Variants in SCN1A observed in about 807,000 individuals in gnomAD.
The protein encoded by SCN1A is sodium voltage-gated channel alpha subunit 1, also known as sodium channel protein type 1 subunit alpha.
A neutral mutation model predicts 193.7 loss-of-function variants in SCN1A; 13 were observed. That is an observed-to-expected ratio of 0.07 (90% CI 0.04 to 0.11). The LOEUF (loss-of-function observed/expected upper bound fraction) is 0.11. Among genes scored for constraint, SCN1A ranks in the 10% least tolerant of loss-of-function variants. The probability of loss-of-function intolerance (pLI) is 1.00; values close to 1 mark genes in which losing one functional copy is unlikely to be tolerated. For synonymous variants in SCN1A, 781 were observed against 843.6 expected (o/e 0.93, Z 1.29); for missense variants, 1,432 against 2,451.1 (o/e 0.58, Z 8.78).
chr2:166,091,148 A>G (rs1390287876), intron 2 of SCN1A, among the ~76,000 whole-genome samples: 1 of 152,240 alleles, frequency 6.6e-6, no homozygotes, highest in Non-Finnish European at 1.5e-5. Context: ...GCAGCAACAT[A>G]CTAATGCGGT....
At chr2:166,029,707 T>C (rs994484656) in intron 19 of SCN1A, among the ~76,000 whole-genome samples, 1 of 152,182 alleles carries the variant, frequency 6.6e-6, no homozygotes, top group African/African-American at 2.4e-5. Flanking sequence ...ATGTTGTATG[T>C]GCTGTGGACT....
At chr2:166,148,029 T>C (rs1287811151) in intron 1 of SCN1A, among the ~76,000 whole-genome samples, 1 of 152,224 alleles carries the variant, frequency 6.6e-6, no homozygotes, top group Non-Finnish European at 1.5e-5. Context: ...CTTTCCATTT[T>C]GCTCTTTGAG....
At chr2:166,133,421 T>C (rs189665004) in intron 1 of SCN1A, among the ~76,000 whole-genome samples, 1 of 152,186 alleles carries the variant, frequency 6.6e-6, no homozygotes, top group African/African-American at 2.4e-5. Flanking sequence ...GAATAATACA[T>C]GAACCTGATT....
At chr2:166,101,938 A>T (rs983961302) in intron 2 of SCN1A, among the ~76,000 whole-genome samples, 1 of 152,238 alleles carries the variant, frequency 6.6e-6, no homozygotes. Flanking sequence ...TAAACAGACA[A>T]CCAGCAGAAT....
rs1236428830 is a variant in SCN1A, at chr2:166,046,819, T to G, written c.1328A>C (p.Glu443Ala). The G allele has an allele frequency of 6.2e-7, 1 of 1,613,912 alleles. No homozygotes were observed. Among genetic ancestry groups the G allele is most frequent in the South Asian group, 1.1e-5 (1 of 91,084 alleles). The change falls in exon 12 of 29, where the codon GAA becomes GCA. Residue 443 changes from glutamate (E) to alanine (A), a missense_variant. Physicochemically the swap from Glu to Ala is moderately radical, Grantham distance 107. Coordinates refer to ENST00000674923, the MANE Select transcript of SCN1A (RefSeq NM_001165963.4). ...AAGCTGTTCAATCATCTGCTGAAAT[T>G]CGGCCTCTTTCTGTTCTGCTTCTTC... ...TLEEAEQKEAEFQQMIEQLKK... is the reference protein window; with the variant it reads ...TLEEAEQKEAAFQQMIEQLKK...
chr2:166,149,086 C>A (rs1418324435), exon 1 of SCN1A: 1 of 152,276 alleles, frequency 6.6e-6, no homozygotes, highest in Non-Finnish European at 1.5e-5. Flanking sequence ...CCTCCAGCTT[C>A]CATAACCCCT....
intron 2 of SCN1A, chr2:166,123,733 G>A (rs1690901208): frequency 6.6e-6 from 1 of 151,808 alleles, no homozygotes. Flanking sequence ...CTAATAACTT[G>A]TTAACATTGA....
At chr2:166,101,371 A>T (rs1170513224) in intron 2 of SCN1A, among the ~76,000 whole-genome samples, 2 of 58,710 alleles carry the variant, frequency 3.4e-5, no homozygotes, top group East Asian at 5.9e-4. Flanking sequence ...GGGTGGGGGG[A>T]GGGGGGAGGG....
chr2:166,118,944 G>A (rs1274275574), intron 2 of SCN1A, among the ~76,000 whole-genome samples: 1 of 152,194 alleles, frequency 6.6e-6, no homozygotes, highest in Non-Finnish European at 1.5e-5. Context: ...GTGGAAGACA[G>A]TTGTTCCACG....
At chr2:166,139,861 A>T (rs1441004217) in intron 1 of SCN1A, among the ~76,000 whole-genome samples, 1 of 152,190 alleles carries the variant, frequency 6.6e-6, no homozygotes, top group African/African-American at 2.4e-5. Flanking sequence ...GCTACAATTC[A>T]AGATGAGATT....
At position 166,078,857 on chromosome 2, in the gene SCN1A, C is replaced by A. The variant is rs377414950; in HGVS notation, c.-141-1056G>T. 2.6e-5 allele frequency among the ~76,000 whole-genome samples: 4 copies of A among 151,384 alleles called. No individual in the cohort carries two copies. In the East Asian group the frequency reaches 5.8e-4, roughly 22 times the overall value. On this transcript the variant is annotated intron_variant, in intron 2 of 28. Transcript: ENST00000674923. ...TTAAAATGAATTTTGGTTTCAAAGTCCTCACTGATGCAAGAACTATTTAAA... is the reference window on the plus strand; with the variant it reads ...TTAAAATGAATTTTGGTTTCAAAGTACTCACTGATGCAAGAACTATTTAAA...
rs749198402 is a variant in SCN1A at position 165,991,801 on chromosome 2, A to G, written c.5474T>C (p.Phe1825Ser). The G allele has an allele frequency of 1.9e-6, 3 of 1,613,920 alleles. No homozygotes were observed. The highest frequency in any genetic ancestry group is 1.3e-5 in the African/African-American group (1 of 74,986). ...FDPDATQFME[F>S]EKLSQFAAAL... Reference sequence around the variant, plus strand: ...AGCTGCAAACTGAGATAATTTTTCAAATTCCATGAACTGAGTTGCATCGGG... The same window carrying G: ...AGCTGCAAACTGAGATAATTTTTCAGATTCCATGAACTGAGTTGCATCGGG... Residue 1825 changes from phenylalanine to serine, a missense_variant, in exon 29 of 29, where the codon TTT becomes TCT. Around this residue, in one of 18 missense-constraint regions of SCN1A, gnomAD observed 59 missense variants for 110.6 expected, o/e 0.53. Coordinates refer to ENST00000674923, the MANE Select transcript of SCN1A (RefSeq NM_001165963.4).
At chr2:166,114,005 C>G (rs1015749810) in intron 2 of SCN1A, among the ~76,000 whole-genome samples, 6 of 152,060 alleles carry the variant, frequency 3.9e-5, no homozygotes, top group Non-Finnish European at 7.4e-5. Flanking sequence ...AATAACAAAC[C>G]TGTAACTATT....
intron 19 of SCN1A, among the ~76,000 whole-genome samples, chr2:166,030,001 C>T (rs576920927): frequency 1.3e-5 from 2 of 152,268 alleles, no homozygotes; most frequent in Non-Finnish European, 1.5e-5. Flanking sequence ...GACTCTGAAA[C>T]ACTCCAGACT....
intron 2 of SCN1A, among the ~76,000 whole-genome samples, chr2:166,103,375 C>T (rs1470118329): frequency 1.3e-5 from 2 of 151,674 alleles, no homozygotes; most frequent in African/African-American, 4.8e-5. Context: ...CACTTGAACC[C>T]GGGAGGTGGA....
intron 24 of SCN1A, among the ~76,000 whole-genome samples, 162 bp downstream of exon 24, chr2:166,002,310 G>C (rs1381033325): frequency 6.6e-6 from 1 of 151,608 alleles, no homozygotes. Flanking sequence ...ATGTAATAAA[G>C]TTTTCACCCA....
intron 5 of SCN1A, among the ~76,000 whole-genome samples, chr2:166,056,704 T>G (rs954293240): frequency 1.1e-4 from 16 of 152,080 alleles, no homozygotes; most frequent in Non-Finnish European, 1.9e-4. Context: ...AGTATTTGTA[T>G]AGATTAAATG....
downstream of SCN1A, chr2:165,984,771 G>C (rs1688499127): frequency 6.6e-6 from 1 of 152,104 alleles, no homozygotes; most frequent in Admixed American, 6.5e-5. Context: ...GATAACCAGA[G>C]ACAGAGTATG....
chr2:166,008,053 C>A (rs550613157), intron 23 of SCN1A, among the ~76,000 whole-genome samples: 1 of 151,358 alleles, frequency 6.6e-6, no homozygotes, highest in East Asian at 2.0e-4. Flanking sequence ...GAGCCATATT[C>A]ATAAATCTGA....
Sources: allele counts gnomAD v4.1 joint callset (sites outside exome capture counted in the v4.1 genomes callset), GRCh38; gene constraint gnomAD v4.1.1; regional missense constraint gnomAD v4.1.1; transcripts MANE v1.5; gene names NCBI Gene and HGNC (gene_info 2026-07-23, HGNC 2026-07-21).